TLCD3B: variants seen among roughly 807,000 people sequenced by gnomAD.
TLCD3B encodes TLC domain containing 3B.
A neutral mutation model predicts 23.0 loss-of-function variants in TLCD3B; 9 were observed. The ratio of observed to expected loss-of-function variants is 0.39; its 90% CI spans 0.24 to 0.68. The LOEUF (loss-of-function observed/expected upper bound fraction) is 0.68, where lower values mean the gene tolerates loss of function less well. TLCD3B is among the 30% of genes least tolerant of loss of function. The probability of loss-of-function intolerance (pLI) is 0.44; values close to 1 mark genes in which losing one functional copy is unlikely to be tolerated. For synonymous variants in TLCD3B, 161 were observed against 161.0 expected (o/e 1.00, Z 0.00); for missense variants, 307 against 371.8 (o/e 0.83, Z 1.43).
intron 2 of TLCD3B, chr16:30,027,522 G>A (rs2071201295): frequency 6.6e-6 from 3 of 452,652 alleles, no homozygotes; most frequent in South Asian, 1.6e-5. Flanking sequence ...AGACCCTGTT[G>A]GCAAGTGAGA....
chr16:30,039,605 T>C (rs1380029306), intron 3 of TLCD3B, among the ~76,000 whole-genome samples: 1 of 151,952 alleles, frequency 6.6e-6, no homozygotes, highest in African/African-American at 2.4e-5. Context: ...AATTTTTGTA[T>C]TTAAAAAAAA....
At position 30,026,728 on chromosome 16, in the gene TLCD3B, C is replaced by G. The variant is rs370399407; in HGVS notation, c.325G>C (p.Asp109His). 2 of 1,614,098 alleles carry G rather than the reference C, an allele frequency of 1.2e-6. No individual in the cohort carries two copies. Among genetic ancestry groups the G allele is most frequent in the Non-Finnish European group, 8.5e-7 (1 of 1,180,026 alleles). Residue 109 changes from aspartate to histidine, a missense_variant, in exon 3 of 5, where the codon GAC (aspartate) becomes CAC (histidine). Transcript: ENST00000380495. ...KHQVKGHGGD[D>H]GAARAPGSTW... Reference sequence around the variant, plus strand: ...CTGCCCGGGGCTCTGGCCGCTCCGTCGTCCCCTCCATGCCCTTTGACCTGG... The same window carrying G: ...CTGCCCGGGGCTCTGGCCGCTCCGTGGTCCCCTCCATGCCCTTTGACCTGG...
chr16:30,044,441 G>A (rs2071625601), intron 2 of TLCD3B, among the ~76,000 whole-genome samples: 2 of 151,918 alleles, frequency 1.3e-5, no homozygotes, highest in African/African-American at 2.4e-5. Flanking sequence ...CCGAGTAGCT[G>A]GGATTACAGG....
rs1308211126 is a variant in TLCD3B, at chr16:30,030,858, G to T, written c.-331C>A. The T allele has an allele frequency of 3.2e-6, 3 of 923,916 alleles. No individual in the cohort carries two copies. Among genetic ancestry groups the T allele is most frequent in the Non-Finnish European group, 3.9e-6 (3 of 770,536 alleles). The allele number at this position is 923,916 out of a possible 1,614,324, so 57.2% of individuals were successfully genotyped here. The stretch of plus-strand genomic sequence containing the variant: ...GAGGGGACAGGAGGAGGAGGATGCG[G>T]ATGGGGGAGGGGAGGGAGCCACCAG... On this transcript the variant is annotated 5_prime_UTR_variant, in exon 1 of 5. Coordinates refer to ENST00000380495, the MANE Select transcript of TLCD3B (RefSeq NM_031478.6).
At chr16:30,039,280 C>T (rs1035274590) in intron 3 of TLCD3B, among the ~76,000 whole-genome samples, 4 of 151,944 alleles carry the variant, frequency 2.6e-5, no homozygotes, top group South Asian at 2.1e-4. Flanking sequence ...TGCGCCACCA[C>T]GCCTGGCTAA....
intron 2 of TLCD3B, chr16:30,046,311 C>T (rs1332049201): frequency 6.6e-6 from 1 of 152,300 alleles, no homozygotes; most frequent in African/African-American, 2.4e-5. Flanking sequence ...TTACCCTTGG[C>T]CTTGAGTTTA....
rs748443806 is a variant in TLCD3B, at chr16:30,026,819, C to T, written c.234G>A (p.Thr78=). The change falls in exon 3 of 5, where the codon ACG becomes ACA. Residue 78 remains threonine, a synonymous_variant. Coordinates refer to ENST00000380495, the MANE Select transcript of TLCD3B (RefSeq NM_031478.6). ...DDQHWLSSAY[T]QFAVPYFIYD... is the part of the protein sequence containing the mutation. ...AGATGAAGTAGGGCACAGCAAATTG[C>T]GTGTAGGCAGAGGACAGCCAGTGTC... is the stretch of plus-strand genomic sequence containing the variant. 4.3e-6 allele frequency: 7 copies of T among 1,613,868 alleles called. No individual in the cohort carries two copies. Among genetic ancestry groups the T allele is most frequent in the African/African-American group, 2.7e-5 (2 of 74,878 alleles).
chr16:30,034,558 G>A (rs559965081), upstream of TLCD3B, among the ~76,000 whole-genome samples: 14 of 150,618 alleles, frequency 9.3e-5, no homozygotes, highest in South Asian at 3.0e-3. Flanking sequence ...AACAGAGCAA[G>A]ACCCTGTCTC....
chr16:30,050,823 G>C (rs762377041), intron 1 of TLCD3B, among the ~76,000 whole-genome samples: 1 of 152,142 alleles, frequency 6.6e-6, no homozygotes, highest in Non-Finnish European at 1.5e-5. Context: ...AGGTATGTTG[G>C]GGTGGAGAAC....
intron 2 of TLCD3B, among the ~76,000 whole-genome samples, chr16:30,044,806 C>G (rs1191412631): frequency 6.6e-6 from 1 of 152,074 alleles, no homozygotes; most frequent in African/African-American, 2.4e-5. Flanking sequence ...TCAGGCCGGG[C>G]GCAGTGGCTC....
At chr16:30,036,587 C>A in intron 3 of TLCD3B, 1 of 367,244 alleles carries the variant, frequency 2.7e-6, no homozygotes, top group African/African-American at 2.1e-5. Context: ...GTATGCTCTT[C>A]CATTGGTGGA....
In TLCD3B at chr16:30,026,682, C is replaced by T; in HGVS notation, c.371G>A (p.Gly124Asp). 2 of 1,613,944 alleles carry T rather than the reference C, an allele frequency of 1.2e-6. No individual in the cohort carries two copies. Among genetic ancestry groups the T allele is most frequent in the South Asian group, 1.1e-5 (1 of 91,082 alleles). Residue 124 changes from glycine to aspartate, a missense_variant, in exon 3 of 5, where the codon GGC (glycine) becomes GAC (aspartate). Coordinates refer to ENST00000380495, the MANE Select transcript of TLCD3B (RefSeq NM_031478.6). ...CATGAGGAACTCCTTGTGCAGGTAGCCACGCGCTATGGCCCACGTGCTGCC... is the reference window on the plus strand; with the variant it reads ...CATGAGGAACTCCTTGTGCAGGTAGTCACGCGCTATGGCCCACGTGCTGCC... Reference protein sequence around the residue: ...APGSTWAIARGYLHKEFLMVL... With the variant: ...APGSTWAIARDYLHKEFLMVL...
upstream of TLCD3B, chr16:30,032,571 C>A (rs1000992377): frequency 6.6e-6 from 1 of 151,616 alleles, no homozygotes; most frequent in African/African-American, 2.4e-5. Flanking sequence ...GGCACAGTAC[C>A]AGGTGATTTC....
At chr16:30,049,327 G>A (rs531404290) in intron 1 of TLCD3B, among the ~76,000 whole-genome samples, 27 of 152,244 alleles carry the variant, frequency 1.8e-4, no homozygotes, top group African/African-American at 6.0e-4. Context: ...GATATCGTTG[G>A]ATGTCCATTG....
chr16:30,047,606 G>C (rs948023608), intron 1 of TLCD3B, among the ~76,000 whole-genome samples: 1 of 152,174 alleles, frequency 6.6e-6, no homozygotes, highest in African/African-American at 2.4e-5. Context: ...ACAGGTGAGA[G>C]CCACCACACC....
At chr16:30,030,278 GC>G in intron 1 of TLCD3B, 124 bp downstream of exon 1, 2 of 1,181,480 alleles carry the variant, frequency 1.7e-6, no homozygotes, top group Non-Finnish European at 1.2e-6. Flanking sequence ...TGGGGGTAAA[GC>G]CCCGGACCCC....
chr16:30,036,777 G>C (rs1304625858), intron 3 of TLCD3B, among the ~76,000 whole-genome samples: 1 of 152,126 alleles, frequency 6.6e-6, no homozygotes, highest in Non-Finnish European at 1.5e-5. Context: ...GAAAGAAAAG[G>C]AGAGGGGAAA....
At chr16:30,027,124 A>G in intron 2 of TLCD3B, 1 of 546,212 alleles carries the variant, frequency 1.8e-6, no homozygotes, top group Non-Finnish European at 3.5e-6. Context: ...GAAGATGCCC[A>G]CAGACCAAAA....
intron 3 of TLCD3B, among the ~76,000 whole-genome samples, chr16:30,040,150 A>ATATG (rs2071556988): frequency 1.7e-5 from 2 of 117,240 alleles, no homozygotes; most frequent in African/African-American, 3.3e-5. Context: ...AAAAAAAAAT[A>ATATG]TATATATATA....
Sources: gnomAD v4.1 joint callset for allele counts (sites outside exome capture counted in the v4.1 genomes callset) on GRCh38, gnomAD v4.1.1 for gene constraint, MANE v1.5 for transcripts, NCBI Gene and HGNC (gene_info 2026-07-23, HGNC 2026-07-21) for gene names.